CRACD: variants seen among roughly 807,000 people sequenced by gnomAD.
CRACD encodes the protein capping protein-inhibiting regulator of actin dynamics.
Under a neutral mutation model 106.8 loss-of-function variants are expected in CRACD, and 56 were observed. The observed-to-expected ratio is 0.52, with a 90% CI of 0.42 to 0.66. CRACD has a LOEUF of 0.66. Ranked by LOEUF, CRACD falls within the 30% of genes least tolerant of loss-of-function variation. The probability of loss-of-function intolerance (pLI) is 0.00; values close to 1 mark genes in which losing one functional copy is unlikely to be tolerated. For synonymous variants in CRACD, 754 were observed against 670.8 expected, an observed-to-expected ratio of 1.12 and a Z score of -1.92; for missense variants, 1,730 against 1,623.2, an observed-to-expected ratio of 1.07 and a Z score of -1.13.
chr4:56,276,353 C>A (rs1742673144), intron 3 of CRACD, among the ~76,000 whole-genome samples: 2 of 152,050 alleles, frequency 1.3e-5, no homozygotes, highest in Non-Finnish European at 2.9e-5. Flanking sequence ...CTCGACAGAA[C>A]TTTTACTATG....
At chr4:56,150,152 A>G (rs1413884726) in intron 1 of CRACD, among the ~76,000 whole-genome samples, 2 of 152,232 alleles carry the variant, frequency 1.3e-5, no homozygotes, top group South Asian at 2.1e-4. Flanking sequence ...TAGTGGTTAC[A>G]TTTGGAAGCT....
chr4:56,123,863 G>A (rs1264566456), intron 1 of CRACD, among the ~76,000 whole-genome samples: 1 of 152,146 alleles, frequency 6.6e-6, no homozygotes, highest in Non-Finnish European at 1.5e-5. Context: ...TTATTTATAA[G>A]TCCAGAATCT....
chr4:56,293,687 G>A (rs1222785257), intron 3 of CRACD, among the ~76,000 whole-genome samples: 1 of 152,194 alleles, frequency 6.6e-6, no homozygotes, highest in South Asian at 2.1e-4. Flanking sequence ...CAAGGCAGGA[G>A]GTGCTGCATG....
chr4:56,076,812 ACCCTAT>A (rs1732855479), intron 1 of CRACD, among the ~76,000 whole-genome samples: 1 of 151,990 alleles, frequency 6.6e-6, no homozygotes. Flanking sequence ...TGTGAGGGGG[ACCCTAT>A]CTGTCATCGC....
intron 2 of CRACD, among the ~76,000 whole-genome samples, chr4:56,218,230 A>G (rs187191169): frequency 4.1e-4 from 63 of 152,198 alleles, no homozygotes; most frequent in African/African-American, 1.4e-3. Context: ...GGGGGACACA[A>G]TTTAATCCCT....
Position 56,262,037 on chromosome 4 carries a change from A to G in CRACD, c.-188-10284A>G, listed in dbSNP as rs575398505. ...ACCGTACTAAAAAGAGTCACATACT[A>G]AAAAGGATAGAAACCTAATGAAAAA... On this transcript the variant is annotated intron_variant, in intron 2 of 10. Coordinates refer to ENST00000682029, the MANE Select transcript of CRACD (RefSeq NM_001393381.1). 6.6e-5 allele frequency among the ~76,000 whole-genome samples: 10 copies of G among 152,334 alleles called. No individual in the cohort carries two copies. In the South Asian group the frequency reaches 1.7e-3, roughly 25 times the overall value.
intron 1 of CRACD, among the ~76,000 whole-genome samples, chr4:56,142,121 A>C (rs1177742808): frequency 6.6e-6 from 1 of 152,206 alleles, no homozygotes; most frequent in East Asian, 1.9e-4. Context: ...AGAAATAATC[A>C]TTGTTAATAT....
chr4:56,092,294 G>A (rs1733447921), intron 1 of CRACD, among the ~76,000 whole-genome samples: 1 of 152,164 alleles, frequency 6.6e-6, no homozygotes, highest in African/African-American at 2.4e-5. Context: ...CCAGCTCTGA[G>A]GCAGAGGATA....
intron 2 of CRACD, among the ~76,000 whole-genome samples, chr4:56,258,070 G>GA (rs549205047): frequency 0.022 from 2,441 of 110,184 alleles, 80 homozygotes; most frequent in African/African-American, 0.076. Flanking sequence ...CTCCATCTCA[G>GA]AAAAAAAAAC....
Position 56,251,928 on chromosome 4 carries a change from T to A in CRACD, c.-188-20393T>A, listed in dbSNP as rs74657552. 5.1e-3 allele frequency among the ~76,000 whole-genome samples: 772 copies of A among 152,332 alleles called. 15 individuals carry two copies. The highest frequency in any genetic ancestry group is 8.6e-3 in the Admixed American group (131 of 15,304). On this transcript the variant is annotated intron_variant, in intron 2 of 10. Transcript: ENST00000682029. ...TATTTCTCAAATATTTTTTACTTCA[T>A]CCAGAGCAAGAAATATGTTTTATAT...
intron 2 of CRACD, among the ~76,000 whole-genome samples, chr4:56,221,757 A>G (rs1397055929): frequency 1.3e-5 from 2 of 152,246 alleles, no homozygotes; most frequent in Non-Finnish European, 2.9e-5. Flanking sequence ...AAGAGGATGT[A>G]CAAATGGCCA....
intron 1 of CRACD, among the ~76,000 whole-genome samples, chr4:56,168,277 G>A (rs1407165074): frequency 6.6e-6 from 1 of 151,768 alleles, no homozygotes; most frequent in Non-Finnish European, 1.5e-5. Flanking sequence ...AGAAAAGGAT[G>A]TTGTTTTTTG....
chr4:56,191,219 T>C (rs1269959885), intron 2 of CRACD, among the ~76,000 whole-genome samples: 1 of 152,198 alleles, frequency 6.6e-6, no homozygotes, highest in Non-Finnish European at 1.5e-5. Context: ...AGATCAGAAG[T>C]CTCAAATGAG....
chr4:56,065,330 C>A (rs957390436), intron 1 of CRACD, among the ~76,000 whole-genome samples: 1 of 152,092 alleles, frequency 6.6e-6, no homozygotes, highest in African/African-American at 2.4e-5. Flanking sequence ...TCAGGTGATC[C>A]ACCCACCTCA....
intron 3 of CRACD, among the ~76,000 whole-genome samples, chr4:56,281,303 CT>C (rs1380495863): frequency 6.6e-6 from 1 of 152,070 alleles, no homozygotes; most frequent in African/African-American, 2.4e-5. Context: ...AATCTAATGC[CT>C]GATAATCTGA....
chr4:56,140,522 A>G (rs1735156355), intron 1 of CRACD, among the ~76,000 whole-genome samples: 1 of 110,290 alleles, frequency 9.1e-6, no homozygotes, highest in Admixed American at 9.9e-5. Flanking sequence ...AGTGTGATTG[A>G]AATTCCTTCT....
At chr4:56,061,917 T>C (rs1211372447) in intron 1 of CRACD, among the ~76,000 whole-genome samples, 1 of 152,240 alleles carries the variant, frequency 6.6e-6, no homozygotes, top group Non-Finnish European at 1.5e-5. Context: ...ATGTAGTTCT[T>C]ACAGTTTTGA....
At chr4:56,253,973 T>C (rs1028215693) in intron 2 of CRACD, among the ~76,000 whole-genome samples, 2 of 152,186 alleles carry the variant, frequency 1.3e-5, no homozygotes, top group African/African-American at 4.8e-5. Context: ...AAGATATGGG[T>C]GGAAACTTCA....
At chr4:56,326,358 G>A (rs1746451898) in intron 10 of CRACD, among the ~76,000 whole-genome samples, 1 of 152,306 alleles carries the variant, frequency 6.6e-6, no homozygotes, top group Admixed American at 6.5e-5. Flanking sequence ...AAAAGAGAGA[G>A]AATGAGTTTC....
Sources: allele counts gnomAD v4.1 joint callset (sites outside exome capture counted in the v4.1 genomes callset), GRCh38; gene constraint gnomAD v4.1.1; transcripts MANE v1.5; gene names NCBI Gene and HGNC (gene_info 2026-07-23, HGNC 2026-07-21).